Variants in NALCN observed in about 807,000 individuals in gnomAD.
NALCN encodes sodium leak channel, non-selective, also known as sodium leak channel NALCN.
Under a neutral mutation model 225.3 loss-of-function variants are expected in NALCN, and 111 were observed. The observed-to-expected ratio is 0.49, with a 90% CI of 0.42 to 0.58. NALCN has a LOEUF of 0.58. NALCN is among the 20% of genes least tolerant of loss of function. The pLI is 0.00. For missense variants in NALCN, 1,378 were observed against 2,202.4 expected (o/e 0.63, Z 7.49); for synonymous variants, 764 against 769.0 (o/e 0.99, Z 0.11).
At chr13:101,240,339 T>TTCTC (rs1024209352) in intron 11 of NALCN, among the ~76,000 whole-genome samples, 3 of 150,308 alleles carry the variant, frequency 2.0e-5, no homozygotes, top group South Asian at 2.1e-4. Flanking sequence ...CTATCTTTCT[T>TTCTC]TCTCTCTCTC....
At chr13:101,240,030 C>T (rs1314700904) in intron 11 of NALCN, among the ~76,000 whole-genome samples, 4 of 151,898 alleles carry the variant, frequency 2.6e-5, no homozygotes, top group East Asian at 1.9e-4. Flanking sequence ...GTTCCTTATG[C>T]GTTTTGGGAG....
intron 11 of NALCN, among the ~76,000 whole-genome samples, chr13:101,247,272 CT>C: frequency 6.6e-6 from 1 of 152,180 alleles, no homozygotes; most frequent in Non-Finnish European, 1.5e-5. Context: ...AAATTATCAG[CT>C]TATCTGAAAA....
Position 101,082,675 on chromosome 13 carries a change from T to A in NALCN, c.3765+134A>T, listed in dbSNP as rs12430032. The stretch of plus-strand genomic sequence containing the variant: ...TTCGAGTTAAGCAGAACCGCTTAAG[T>A]AGGAAATATCCTAAGGGCAAACTTC... On this transcript the variant is annotated intron_variant, in intron 33 of 43. Coordinates refer to ENST00000251127, the MANE Select transcript of NALCN (RefSeq NM_052867.4). The A allele has an allele frequency of 0.41, 358,219 of 864,752 alleles. 75,527 individuals carry two copies. The highest frequency in any genetic ancestry group is 0.47 in the South Asian group (30,192 of 64,286). The allele number at this position is 864,752 out of a possible 1,614,324, so 53.6% of individuals were successfully genotyped here.
intron 6 of NALCN, among the ~76,000 whole-genome samples, chr13:101,354,602 G>C (rs1273122649): frequency 6.6e-6 from 1 of 152,188 alleles, no homozygotes; most frequent in Non-Finnish European, 1.5e-5. Context: ...AAGCATAACA[G>C]AACTTCAGTT....
chr13:101,141,315 C>A (rs899237494), intron 17 of NALCN, among the ~76,000 whole-genome samples: 11 of 152,166 alleles, frequency 7.2e-5, no homozygotes, highest in African/African-American at 2.6e-4. Flanking sequence ...CACAGAAAAT[C>A]TTACAAGTTT....
At chr13:101,097,068 A>T (rs771367394) in intron 27 of NALCN, among the ~76,000 whole-genome samples, 1 of 152,186 alleles carries the variant, frequency 6.6e-6, no homozygotes, top group Non-Finnish European at 1.5e-5. Context: ...TCTTGGCCCA[A>T]GTCTCCATTC....
At chr13:101,166,627 A>G (rs2038451183) in intron 15 of NALCN, among the ~76,000 whole-genome samples, 1 of 152,152 alleles carries the variant, frequency 6.6e-6, no homozygotes, top group Non-Finnish European at 1.5e-5. Context: ...CATATTCTCA[A>G]TATTAACTCC....
rs759415451 is a variant in NALCN at position 101,089,933 on chromosome 13, C to A, written c.3303G>T (p.Val1101=). The A allele has an allele frequency of 3.1e-6, 5 of 1,614,044 alleles. No individual in the cohort carries two copies. In the Admixed American group the frequency reaches 6.7e-5, roughly 22 times the overall value. Residue 1101 remains valine (V), a synonymous_variant, in exon 29 of 44, where the codon GTG becomes GTT. Transcript: ENST00000251127. This position sits in a 1 kb window ranked among gnomAD's most constrained non-coding sequence, Gnocchi z 4.7. ...CAAACAACGCCAGCATAGCGTTTCC[C>A]ACATTGTCGAAATTAAAGTTCCGAG... ...ANPRNFNFDN[V]GNAMLALFEV... is the part of the protein sequence containing the mutation.
intron 4 of NALCN, among the ~76,000 whole-genome samples, chr13:101,377,562 A>T (rs1190169175): frequency 6.6e-6 from 1 of 152,126 alleles, no homozygotes; most frequent in Admixed American, 6.5e-5. Flanking sequence ...AAAGCTGATT[A>T]AAAAAATATA....
intron 28 of NALCN, among the ~76,000 whole-genome samples, chr13:101,094,333 TG>T (rs2034391679): frequency 6.6e-6 from 1 of 152,136 alleles, no homozygotes; most frequent in African/African-American, 2.4e-5. Context: ...GTGATCCCCC[TG>T]GGGTACCTCA....
At chr13:101,376,516 A>AAAAATAAAAT (rs149479126) in intron 6 of NALCN, among the ~76,000 whole-genome samples, 184 bp downstream of exon 6, 88 of 150,620 alleles carry the variant, frequency 5.8e-4, no homozygotes, top group East Asian at 2.6e-3. Flanking sequence ...ACTCCATCTC[A>AAAAATAAAAT]AAAATAAAAT....
chr13:101,188,733 G>A (rs556393722), intron 14 of NALCN, among the ~76,000 whole-genome samples: 1 of 151,646 alleles, frequency 6.6e-6, no homozygotes, highest in South Asian at 2.1e-4. Context: ...TGCCCAGGCT[G>A]GGGTACAACA....
chr13:101,345,676 T>TTCTATCTATCTATCTA (rs71676800), intron 6 of NALCN, among the ~76,000 whole-genome samples: 5 of 127,870 alleles, frequency 3.9e-5, no homozygotes, highest in African/African-American at 1.3e-4. Flanking sequence ...CCTTTGCTCT[T>TTCTATCTATCTATCTA]TCTATCTATC....
rs1430791355 is a variant in NALCN, at chr13:101,345,265, C to A, written c.799+1G>T. On this transcript the variant is annotated splice_donor_variant, in intron 7 of 43. Coordinates refer to ENST00000251127, the MANE Select transcript of NALCN (RefSeq NM_052867.4). LOFTEE classifies it high-confidence loss of function. ...AAACGTATTTTACCAGTAAGACAGACCTATCTCATTAAAGCCACTGTAGCC... is the reference window on the plus strand; with the variant it reads ...AAACGTATTTTACCAGTAAGACAGAACTATCTCATTAAAGCCACTGTAGCC... 6.2e-7 allele frequency: 1 copy of A among 1,612,850 alleles called. No homozygotes were observed. The highest frequency in any genetic ancestry group is 8.5e-7 in the Non-Finnish European group (1 of 1,179,252).
chr13:101,063,444 G>C (rs1196102267), intron 40 of NALCN, among the ~76,000 whole-genome samples: 1 of 152,134 alleles, frequency 6.6e-6, no homozygotes, highest in Admixed American at 6.5e-5. Context: ...TTTTGCCTGG[G>C]TCTATTTTTA....
chr13:101,203,279 G>A (rs949386161), intron 13 of NALCN, among the ~76,000 whole-genome samples: 1 of 152,120 alleles, frequency 6.6e-6, no homozygotes, highest in Non-Finnish European at 1.5e-5. Flanking sequence ...GCAATGGCAC[G>A]ATCTTGGCTC....
intron 20 of NALCN, among the ~76,000 whole-genome samples, chr13:101,108,890 G>A (rs557818493): frequency 6.6e-6 from 1 of 152,288 alleles, no homozygotes; most frequent in African/African-American, 2.4e-5. Flanking sequence ...TGGGAGAAAA[G>A]ACATTATAAG....
In NALCN at chr13:101,351,603, C is replaced by T. The variant is rs558836600; in HGVS notation, c.645-6183G>A. 2.5e-4 allele frequency among the ~76,000 whole-genome samples: 38 copies of T among 152,192 alleles called. 1 individual carries two copies. In the South Asian group the frequency reaches 4.1e-3, roughly 17 times the overall value. ...CAACACAAAGATGATCATCTCAGTT[C>T]GGTGATTAACCAACTTAATTACCTT... is the stretch of plus-strand genomic sequence containing the variant. On this transcript the variant is annotated intron_variant, in intron 6 of 43. Transcript: ENST00000251127.
At chr13:101,390,668 GA>G (rs113685766) in intron 3 of NALCN, among the ~76,000 whole-genome samples, 5,661 of 149,646 alleles carry the variant, frequency 0.038, 149 homozygotes, top group Admixed American at 0.075. Flanking sequence ...CACTTCGAGG[GA>G]AAAAAAAACA....
Sources: gnomAD v4.1 joint callset for allele counts (sites outside exome capture counted in the v4.1 genomes callset) on GRCh38, gnomAD v4.1.1 for gene constraint, Gnocchi (gnomAD v3.1) non-coding constraint, MANE v1.5 for transcripts, NCBI Gene and HGNC (gene_info 2026-07-23, HGNC 2026-07-21) for gene names.